The following TADA2A variants were observed in gnomAD, a reference collection of about 807,000 sequenced individuals.
TADA2A encodes transcriptional adaptor 2A, also known as transcriptional adapter 2-alpha.
In TADA2A, 38 loss-of-function variants were observed where a neutral mutation model predicts 67.4. The observed-to-expected ratio is 0.56, with a 90% CI of 0.44 to 0.74. The LOEUF is 0.74. Ranked by LOEUF, TADA2A falls within the 30% of genes least tolerant of loss-of-function variation. The pLI is 0.00. For missense variants in TADA2A, 454 were observed against 547.0 expected, an observed-to-expected ratio of 0.83 and a Z score of 1.70; for synonymous variants, 192 against 181.6, an observed-to-expected ratio of 1.06 and a Z score of -0.46.
intron 7 of TADA2A, 29 bp downstream of exon 7, chr17:37,442,681 T>C (rs375549846): frequency 6.2e-7 from 1 of 1,601,900 alleles, no homozygotes; most frequent in African/African-American, 1.3e-5. Flanking sequence ...TAGCACAAAG[T>C]AGGAAAAATT....
intron 14 of TADA2A, among the ~76,000 whole-genome samples, chr17:37,472,530 T>G (rs1220380160): frequency 6.6e-6 from 1 of 152,086 alleles, no homozygotes; most frequent in Admixed American, 6.6e-5. Context: ...CCCCAAAATC[T>G]AAATACAACT....
At chr17:37,422,055 T>G (rs899452116) in intron 2 of TADA2A, among the ~76,000 whole-genome samples, 3 of 142,268 alleles carry the variant, frequency 2.1e-5, no homozygotes, top group Non-Finnish European at 1.6e-5. Flanking sequence ...ATTTTTTTGT[T>G]TTTTTTTTGA....
chr17:37,464,611 G>A (rs1225650369), intron 10 of TADA2A, among the ~76,000 whole-genome samples: 2 of 151,744 alleles, frequency 1.3e-5, no homozygotes, highest in African/African-American at 4.8e-5. Context: ...AGGCCGAGGC[G>A]AGCAGATTGC....
chr17:37,450,285 G>C (rs371825657), intron 8 of TADA2A, among the ~76,000 whole-genome samples: 1 of 152,094 alleles, frequency 6.6e-6, no homozygotes, highest in Non-Finnish European at 1.5e-5. Flanking sequence ...CAAAAGCTTG[G>C]GGGGAAATGA....
At chr17:37,473,976 GT>G (rs2053844256) in intron 14 of TADA2A, among the ~76,000 whole-genome samples, 1 of 152,256 alleles carries the variant, frequency 6.6e-6, no homozygotes, top group African/African-American at 2.4e-5. Flanking sequence ...CTGTTCTGCA[GT>G]TATTATTTCC....
chr17:37,411,210 C>A (rs1225224988), intron 1 of TADA2A, 59 bp from the exon 2 acceptor site: 1 of 699,488 alleles, frequency 1.4e-6, no homozygotes. Flanking sequence ...CATATCTTCT[C>A]TTTATCTTGT....
chr17:37,476,977 G>A lies in TADA2A; in HGVS notation c.1327G>A (p.Gly443Ser). ...CATCAGAGAAGGATACATCACTAAA[G>A]GCTAAGGCTCCAAGAGCTTGGGATC... ...FLIREGYITK[G>S] Residue 443 changes from glycine to serine, a missense_variant, in exon 16 of 16, where the codon GGC becomes AGC. Transcript: ENST00000615182. 1.2e-6 allele frequency: 2 copies of A among 1,606,958 alleles called. No homozygotes were observed. The highest frequency in any genetic ancestry group is 1.1e-5 in the South Asian group (1 of 90,674).
chr17:37,451,692 C>T (rs928155225), intron 8 of TADA2A, among the ~76,000 whole-genome samples: 4 of 152,112 alleles, frequency 2.6e-5, no homozygotes, highest in African/African-American at 4.8e-5. Flanking sequence ...TTACAAAAAT[C>T]GCAGAAATGG....
At chr17:37,455,395 T>TG (rs1227983612) in intron 8 of TADA2A, among the ~76,000 whole-genome samples, 1 of 151,830 alleles carries the variant, frequency 6.6e-6, no homozygotes, top group African/African-American at 2.4e-5. Context: ...TTTGTTTGTT[T>TG]TTTTGAGACG....
Position 37,460,795 on chromosome 17 carries a change from T to C in TADA2A, c.669-1283T>C, listed in dbSNP as rs571097229. 7.2e-5 allele frequency among the ~76,000 whole-genome samples: 11 copies of C among 152,256 alleles called. No homozygotes were observed. In the South Asian group the frequency reaches 2.3e-3, roughly 32 times the overall value. ...TATGTATGTGTAGGCATGTATTTAC[T>C]GTGATGTTACTAACTGTAGACACAG... On this transcript the variant is annotated intron_variant, in intron 9 of 15. Transcript: ENST00000615182.
At chr17:37,446,002 G>T (rs2053067017) in intron 8 of TADA2A, among the ~76,000 whole-genome samples, 1 of 150,754 alleles carries the variant, frequency 6.6e-6, no homozygotes, top group South Asian at 2.1e-4. Context: ...CTGGATATTT[G>T]TTATACCAGA....
chr17:37,419,310 A>G (rs1048835144), intron 2 of TADA2A, among the ~76,000 whole-genome samples: 6 of 144,984 alleles, frequency 4.1e-5, no homozygotes, highest in Non-Finnish European at 9.2e-5. Context: ...TGGGACCACC[A>G]AGCATGCACC....
chr17:37,439,897 T>C (rs1358732626), intron 5 of TADA2A, among the ~76,000 whole-genome samples: 3 of 150,168 alleles, frequency 2.0e-5, no homozygotes, highest in Non-Finnish European at 4.4e-5. Context: ...TTACAAATTT[T>C]CCAGTCATCT....
chr17:37,446,865 G>C (rs1019754646), intron 8 of TADA2A, among the ~76,000 whole-genome samples: 1 of 152,126 alleles, frequency 6.6e-6, no homozygotes, highest in African/African-American at 2.4e-5. Context: ...AGTAGGACTT[G>C]CAGTTCCTTC....
At chr17:37,430,581 A>G (rs192136695) in intron 4 of TADA2A, among the ~76,000 whole-genome samples, 1 of 152,324 alleles carries the variant, frequency 6.6e-6, no homozygotes, top group Admixed American at 6.5e-5. Flanking sequence ...ACACCCTTTT[A>G]TACCAGTGAT....
intron 1 of TADA2A, chr17:37,407,845 T>C: frequency 6.6e-6 from 1 of 152,440 alleles, no homozygotes. Flanking sequence ...CGCCTCGGCC[T>C]CCCAAAGTGC....
rs2052189310 is a variant in TADA2A, at chr17:37,420,203, A to G, written c.26-3306A>G. On this transcript the variant is annotated intron_variant, in intron 2 of 15. Transcript: ENST00000615182. ...AGTGGCTCACTCCTGTAATCACAGT[A>G]CTTTGGGAGGCTGGGGCAGAAGGAT... is the stretch of plus-strand genomic sequence containing the variant. Among the ~76,000 whole-genome samples the G allele has an allele frequency of 1.4e-5, 2 of 145,982 alleles. 1 individual carries two copies. The highest frequency in any genetic ancestry group is 4.4e-4 in the South Asian group (2 of 4,500).
intron 8 of TADA2A, among the ~76,000 whole-genome samples, chr17:37,457,279 C>T (rs1421630609): frequency 2.1e-5 from 3 of 142,218 alleles, no homozygotes; most frequent in African/African-American, 7.9e-5. Context: ...TTCCCAGGTT[C>T]AAGCAACTGT....
chr17:37,454,281 G>A (rs853231), intron 8 of TADA2A: 72,784 of 150,116 alleles, frequency 0.48, 18,456 homozygotes, highest in East Asian at 0.8. Context: ...AAATGCGAGG[G>A]CATTACTTTC....
Sources: gnomAD v4.1 joint callset for allele counts (sites outside exome capture counted in the v4.1 genomes callset) on GRCh38, gnomAD v4.1.1 for gene constraint, MANE v1.5 for transcripts, NCBI Gene and HGNC (gene_info 2026-07-23, HGNC 2026-07-21) for gene names.